FGF12: variants seen among roughly 807,000 people sequenced by gnomAD.
The protein encoded by FGF12 is fibroblast growth factor 12B.
In FGF12, 14 loss-of-function variants were observed where a neutral mutation model predicts 23.6. The ratio of observed to expected loss-of-function variants is 0.59; its 90% confidence interval spans 0.39 to 0.93. The LOEUF is 0.93. FGF12 is among the 40% of genes least tolerant of loss of function. FGF12 has a pLI of 0.00. For synonymous variants in FGF12, 62 were observed against 77.3 expected (o/e 0.80, Z 1.04); for missense variants, 175 against 217.8 (o/e 0.80, Z 1.24).
chr3:192,199,588 T>A (rs1291853035), intron 4 of FGF12, among the ~76,000 whole-genome samples: 1 of 152,174 alleles, frequency 6.6e-6, no homozygotes, highest in Non-Finnish European at 1.5e-5. Flanking sequence ...CTGCATTTGG[T>A]TTGAGAGCCA....
At chr3:192,476,852 AGAG>A (rs1723340892) in intron 2 of FGF12, among the ~76,000 whole-genome samples, 1 of 152,230 alleles carries the variant, frequency 6.6e-6, no homozygotes, top group Non-Finnish European at 1.5e-5. Flanking sequence ...ATGGCTCCTA[AGAG>A]GAGGAGTAAC....
At chr3:192,603,768 A>C (rs900208321) in intron 2 of FGF12, among the ~76,000 whole-genome samples, 1 of 152,162 alleles carries the variant, frequency 6.6e-6, no homozygotes, top group African/African-American at 2.4e-5. Flanking sequence ...AACAGGACAA[A>C]GGGCAAAAGG....
intron 2 of FGF12, among the ~76,000 whole-genome samples, chr3:192,526,400 T>C (rs1277764475): frequency 6.6e-6 from 1 of 152,202 alleles, no homozygotes; most frequent in East Asian, 1.9e-4. Flanking sequence ...AAGTACATGA[T>C]TTTATGGTGT....
chr3:192,558,389 T>C (rs993460702), intron 2 of FGF12, among the ~76,000 whole-genome samples: 7 of 151,974 alleles, frequency 4.6e-5, no homozygotes, highest in East Asian at 3.9e-4. Flanking sequence ...GTAAAAAATT[T>C]GTACACTAAA....
At chr3:192,145,477 G>A (rs1713643832) in intron 5 of FGF12, among the ~76,000 whole-genome samples, 1 of 152,124 alleles carries the variant, frequency 6.6e-6, no homozygotes, top group Admixed American at 6.5e-5. Context: ...AATCACCTAG[G>A]AATATTGTTA....
rs115612332 is a variant in FGF12, at chr3:192,401,556, C to T, written c.14-41018G>A. 5.1e-3 allele frequency among the ~76,000 whole-genome samples: 781 copies of T among 152,282 alleles called. 6 individuals carry two copies. The highest frequency in any genetic ancestry group is 0.018 in the African/African-American group (749 of 41,540). On this transcript the variant is annotated intron_variant, in intron 2 of 5. Coordinates refer to ENST00000445105, the MANE Select transcript of FGF12 (RefSeq NM_004113.6). ...TGAGAACTGCTGGTCCAGACTGATG[C>T]CCTAGCCTCCTTACTGTTCCCTTGC...
At chr3:192,202,571 G>C (rs183311929) in intron 4 of FGF12, among the ~76,000 whole-genome samples, 6 of 152,096 alleles carry the variant, frequency 3.9e-5, no homozygotes, top group Non-Finnish European at 7.4e-5. Context: ...TTTTGACAAC[G>C]GTTTCTTTAA....
intron 4 of FGF12, among the ~76,000 whole-genome samples, chr3:192,303,696 G>A (rs897795227): frequency 3.3e-5 from 5 of 152,004 alleles, no homozygotes; most frequent in Admixed American, 2.0e-4. Context: ...GACACCTAAA[G>A]GTGACTGTTA....
chr3:192,318,513 C>A (rs1311167003), intron 4 of FGF12, among the ~76,000 whole-genome samples: 2 of 151,846 alleles, frequency 1.3e-5, no homozygotes, highest in Non-Finnish European at 2.9e-5. Context: ...TGAAGACAGC[C>A]TATTTGAAAA....
At chr3:192,311,269 A>C (rs1715918002) in intron 4 of FGF12, among the ~76,000 whole-genome samples, 1 of 152,038 alleles carries the variant, frequency 6.6e-6, no homozygotes, top group South Asian at 2.1e-4. Flanking sequence ...TCACCTCACA[A>C]AGCAACCCCA....
intron 4 of FGF12, among the ~76,000 whole-genome samples, chr3:192,262,199 C>T (rs978140199): frequency 7.2e-5 from 11 of 152,142 alleles, no homozygotes; most frequent in South Asian, 2.1e-4. Context: ...AAGTTCCCCA[C>T]GTGCAGCTTT....
rs80202837 is a variant in FGF12, at chr3:192,723,131, A to G, written c.13+4050T>C. Among the ~76,000 whole-genome samples the G allele has an allele frequency of 5.2e-3, 792 of 152,238 alleles. 3 individuals carry two copies. The highest frequency in any genetic ancestry group is 0.018 in the African/African-American group (749 of 41,536). ...TCACATTACCATGAGTTAACAGCAGACTTTGTCAGGAGCTTAAAATGAATG... is the reference window on the plus strand; with the variant it reads ...TCACATTACCATGAGTTAACAGCAGGCTTTGTCAGGAGCTTAAAATGAATG... On this transcript the variant is annotated intron_variant, in intron 2 of 5. Transcript: ENST00000445105.
chr3:192,162,681 G>A (rs1257881462), intron 5 of FGF12, among the ~76,000 whole-genome samples: 2 of 152,014 alleles, frequency 1.3e-5, no homozygotes, highest in Non-Finnish European at 2.9e-5. Context: ...GTATGGTTGG[G>A]TCCAAAAGAG....
intron 2 of FGF12, among the ~76,000 whole-genome samples, chr3:192,445,320 AT>A (rs1394689075): frequency 1.3e-5 from 2 of 152,200 alleles, no homozygotes; most frequent in African/African-American, 4.8e-5. Flanking sequence ...TGAGGTTAGC[AT>A]CTAGTTGATT....
intron 4 of FGF12, among the ~76,000 whole-genome samples, chr3:192,192,426 C>T (rs1188981188): frequency 6.8e-6 from 1 of 147,184 alleles, no homozygotes; most frequent in African/African-American, 2.5e-5. Flanking sequence ...CATATATGTA[C>T]ATATAATTAT....
intron 2 of FGF12, among the ~76,000 whole-genome samples, chr3:192,450,965 C>A (rs1015670675): frequency 6.6e-6 from 1 of 152,196 alleles, no homozygotes. Flanking sequence ...AGTCATGAAG[C>A]TTTGGCTAGT....
chr3:192,322,064 A>C (rs897432505), intron 4 of FGF12, among the ~76,000 whole-genome samples: 1 of 151,986 alleles, frequency 6.6e-6, no homozygotes, highest in Non-Finnish European at 1.5e-5. Flanking sequence ...GTATATTTGA[A>C]AAACCTAAGG....
chr3:192,175,172 T>G (rs554574777), intron 4 of FGF12, among the ~76,000 whole-genome samples: 1 of 152,346 alleles, frequency 6.6e-6, no homozygotes, highest in East Asian at 1.9e-4. Flanking sequence ...ACAAAAAATC[T>G]AATGTATAAC....
chr3:192,569,783 G>A (rs1378919330), intron 2 of FGF12, among the ~76,000 whole-genome samples: 2 of 152,202 alleles, frequency 1.3e-5, no homozygotes, highest in Non-Finnish European at 2.9e-5. Flanking sequence ...AGAAACGCAT[G>A]TGCCATACAA....
Sources: gnomAD v4.1 joint callset for allele counts (sites outside exome capture counted in the v4.1 genomes callset) on GRCh38, gnomAD v4.1.1 for gene constraint, MANE v1.5 for transcripts, NCBI Gene and HGNC (gene_info 2026-07-23, HGNC 2026-07-21) for gene names.